The following PDE11A variants were observed in gnomAD, a reference collection of about 807,000 sequenced individuals.
The protein encoded by PDE11A is dual 3',5'-cyclic-AMP and -GMP phosphodiesterase 11A.
In PDE11A, 100 loss-of-function variants were observed where a neutral mutation model predicts 100.5. The ratio of observed to expected loss-of-function variants is 1.00; its 90% CI spans 0.85 to 1.18. PDE11A has a LOEUF of 1.18. Ranked by LOEUF, PDE11A falls within the 50% of genes most tolerant of loss-of-function variation. The probability of loss-of-function intolerance (pLI) is 0.00; values close to 1 mark genes in which losing one functional copy is unlikely to be tolerated. For synonymous variants in PDE11A, 381 were observed against 420.8 expected (o/e 0.91, Z 1.16); for missense variants, 1,141 against 1,152.6 (o/e 0.99, Z 0.15).
intron 2 of PDE11A, among the ~76,000 whole-genome samples, chr2:177,931,592 T>C (rs1382761865): frequency 6.6e-6 from 1 of 152,048 alleles, no homozygotes; most frequent in African/African-American, 2.4e-5. Flanking sequence ...AAAATAAATC[T>C]TTGAAATAAA....
chr2:177,871,206 G>A (rs1310192728), intron 5 of PDE11A, among the ~76,000 whole-genome samples: 1 of 152,034 alleles, frequency 6.6e-6, no homozygotes, highest in African/African-American at 2.4e-5. Flanking sequence ...AAAGGTTTAG[G>A]AATTAAAAGG....
intron 5 of PDE11A, among the ~76,000 whole-genome samples, chr2:177,840,864 A>C (rs2083480919): frequency 6.6e-6 from 1 of 152,256 alleles, no homozygotes; most frequent in Admixed American, 6.5e-5. Flanking sequence ...TGGTCTTTTA[A>C]TTAGTAATTA....
At chr2:177,840,417 A>G in intron 5 of PDE11A, 34 bp from the exon 6 acceptor site, 1 of 1,607,974 alleles carries the variant, frequency 6.2e-7, no homozygotes, top group Non-Finnish European at 8.5e-7. Flanking sequence ...GGAAGAAAAG[A>G]GAGAAACGTA....
At chr2:177,844,087 A>T (rs1265266062) in intron 5 of PDE11A, among the ~76,000 whole-genome samples, 2 of 152,258 alleles carry the variant, frequency 1.3e-5, no homozygotes, top group South Asian at 2.1e-4. Flanking sequence ...GACAGATAGG[A>T]AAGTTGATTT....
intron 15 of PDE11A, chr2:177,687,347 T>C (rs1029572744): frequency 1.3e-5 from 2 of 152,164 alleles, no homozygotes; most frequent in Admixed American, 1.3e-4. Context: ...TCATCACATA[T>C]ATCCTTATAA....
chr2:178,104,511 AT>A (rs2087596657), intron 1 of PDE11A: 3 of 1,555,052 alleles, frequency 1.9e-6, no homozygotes, highest in African/African-American at 1.4e-5. Context: ...AACCAAAAAA[AT>A]ATATATATTA....
chr2:177,829,118 A>G (rs1445618794), intron 6 of PDE11A, among the ~76,000 whole-genome samples: 1 of 152,106 alleles, frequency 6.6e-6, no homozygotes, highest in African/African-American at 2.4e-5. Flanking sequence ...AATCATGCCT[A>G]TACTTTTTTT....
chr2:177,820,324 A>G, intron 6 of PDE11A, 29 bp from the exon 7 acceptor site: 1 of 1,168,852 alleles, frequency 8.6e-7, no homozygotes, highest in South Asian at 1.2e-5. Flanking sequence ...GTTAATTAAA[A>G]TTGAATATTA....
At chr2:177,759,322 T>A (rs561206148) in intron 10 of PDE11A, among the ~76,000 whole-genome samples, 67 of 152,336 alleles carry the variant, frequency 4.4e-4, no homozygotes, top group African/African-American at 1.5e-3. Flanking sequence ...ATGTGCAGAT[T>A]ACCATCCATG....
At chr2:177,913,192 T>C (rs867891573) in intron 2 of PDE11A, among the ~76,000 whole-genome samples, 2 of 152,228 alleles carry the variant, frequency 1.3e-5, no homozygotes, top group African/African-American at 4.8e-5. Flanking sequence ...TAGTCAATCA[T>C]AGAACGTTGG....
At chr2:177,776,939 G>A (rs1215954038) in intron 9 of PDE11A, among the ~76,000 whole-genome samples, 1 of 152,094 alleles carries the variant, frequency 6.6e-6, no homozygotes, top group Non-Finnish European at 1.5e-5. Context: ...CCCTCATGCT[G>A]TTCTCATGAT....
At chr2:178,064,247 AT>A (rs1414991076) in intron 1 of PDE11A, among the ~76,000 whole-genome samples, 1 of 152,198 alleles carries the variant, frequency 6.6e-6, no homozygotes, top group African/African-American at 2.4e-5. Context: ...TAACCTAAGA[AT>A]TCAATTGTCA....
intron 19 of PDE11A, among the ~76,000 whole-genome samples, chr2:177,644,282 G>A (rs1157113436): frequency 3.9e-5 from 6 of 152,218 alleles, no homozygotes; most frequent in Admixed American, 6.5e-5. Context: ...AAGCCACAGG[G>A]GCAGAGCTTC....
intron 16 of PDE11A, among the ~76,000 whole-genome samples, chr2:177,680,448 T>C (rs1430487050): frequency 1.3e-5 from 2 of 152,126 alleles, no homozygotes; most frequent in Non-Finnish European, 2.9e-5. Context: ...CTATTGTCTC[T>C]AAAGAAAAGC....
At chr2:178,036,908 C>T (rs1399603331) in intron 1 of PDE11A, among the ~76,000 whole-genome samples, 1 of 152,120 alleles carries the variant, frequency 6.6e-6, no homozygotes, top group African/African-American at 2.4e-5. Flanking sequence ...AAACCCAAAA[C>T]CATAAAAACC....
intron 1 of PDE11A, among the ~76,000 whole-genome samples, chr2:178,063,977 TA>T (rs1275646961): frequency 6.6e-6 from 1 of 152,258 alleles, no homozygotes; most frequent in African/African-American, 2.4e-5. Context: ...CTGTGTATTT[TA>T]AAACATTAAT....
chr2:178,037,400 GA>G, intron 1 of PDE11A, among the ~76,000 whole-genome samples: 1 of 152,308 alleles, frequency 6.6e-6, no homozygotes, highest in East Asian at 1.9e-4. Context: ...TGGAGAAATA[GA>G]AACACGTTTA....
At chr2:177,904,680 G>A (rs866266153) in intron 3 of PDE11A, among the ~76,000 whole-genome samples, 2 of 98,562 alleles carry the variant, frequency 2.0e-5, no homozygotes, top group Non-Finnish European at 4.9e-5. Flanking sequence ...TCAGCCTCCC[G>A]AGTAGCTGGG....
chr2:178,020,476 C>A (rs1171026821), intron 1 of PDE11A, among the ~76,000 whole-genome samples: 1 of 152,244 alleles, frequency 6.6e-6, no homozygotes, highest in Non-Finnish European at 1.5e-5. Flanking sequence ...TCTCTAAATC[C>A]ACCTGATAAA....
Sources: allele counts gnomAD v4.1 joint callset (sites outside exome capture counted in the v4.1 genomes callset), GRCh38; gene constraint gnomAD v4.1.1; transcripts MANE v1.5; gene names NCBI Gene and HGNC (gene_info 2026-07-23, HGNC 2026-07-21).